The following RABGAP1L variants were observed in gnomAD, a reference collection of about 807,000 sequenced individuals.
The protein encoded by RABGAP1L is rab GTPase-activating protein 1-like.
In RABGAP1L, 63 loss-of-function variants were observed where a neutral mutation model predicts 137.7. The ratio of observed to expected loss-of-function variants is 0.46; its 90% CI spans 0.37 to 0.56. The LOEUF (loss-of-function observed/expected upper bound fraction) is 0.56, where lower values mean the gene tolerates loss of function less well. RABGAP1L is among the 20% of genes least tolerant of loss of function. The pLI, the probability that RABGAP1L is intolerant of heterozygous loss-of-function variation, is 0.00. For synonymous variants in RABGAP1L, 431 were observed against 433.7 expected (o/e 0.99, Z 0.08); for missense variants, 1,095 against 1,244.0 (o/e 0.88, Z 1.80).
At chr1:174,657,422 A>G (rs1179780644) in intron 14 of RABGAP1L, among the ~76,000 whole-genome samples, 2 of 152,136 alleles carry the variant, frequency 1.3e-5, no homozygotes, top group Non-Finnish European at 2.9e-5. Flanking sequence ...CCAAGCTTCT[A>G]GTATCCTCTA....
At chr1:174,507,107 C>T (rs1025936379) in intron 13 of RABGAP1L, among the ~76,000 whole-genome samples, 1 of 152,004 alleles carries the variant, frequency 6.6e-6, no homozygotes, top group Non-Finnish European at 1.5e-5. Context: ...ATTTAAGGAA[C>T]AATGTTTGAA....
intron 5 of RABGAP1L, among the ~76,000 whole-genome samples, chr1:174,242,618 A>G (rs1005145751): frequency 6.6e-6 from 1 of 152,226 alleles, no homozygotes; most frequent in African/African-American, 2.4e-5. Flanking sequence ...CATGATGGCT[A>G]TGTCAGTTCT....
intron 10 of RABGAP1L, 106 bp from the exon 11 acceptor site, chr1:174,304,880 C>T (rs1571998337): frequency 9.6e-7 from 1 of 1,040,168 alleles, no homozygotes; most frequent in South Asian, 1.8e-5. Flanking sequence ...TCAAACACAA[C>T]ACGCCATTCT....
Position 174,324,748 on chromosome 1 carries a change from G to T in RABGAP1L, c.1465+19621G>T, listed in dbSNP as rs191475776. On this transcript the variant is annotated intron_variant, in intron 11 of 25. Transcript: ENST00000681986. ...CTGCAGAAAAATGATGACAATATGA[G>T]AGCCAAGACAGGGATAGAATAAGGG... Among the ~76,000 whole-genome samples, 423 of 152,268 alleles carry T rather than the reference G, an allele frequency of 2.8e-3. 4 individuals carry two copies. The highest frequency in any genetic ancestry group is 9.6e-3 in the African/African-American group (400 of 41,560).
intron 12 of RABGAP1L, among the ~76,000 whole-genome samples, chr1:174,371,542 T>C (rs895297124): frequency 6.6e-6 from 1 of 152,154 alleles, no homozygotes; most frequent in Non-Finnish European, 1.5e-5. Context: ...AAAGTATTAC[T>C]TTAAATTTTG....
intron 19 of RABGAP1L, among the ~76,000 whole-genome samples, chr1:174,939,812 A>G (rs974008157): frequency 6.6e-6 from 1 of 152,232 alleles, no homozygotes. Context: ...GCTCTGTGTC[A>G]TCACATATTT....
chr1:174,838,711 C>T (rs1207276817), intron 19 of RABGAP1L, among the ~76,000 whole-genome samples: 5 of 151,598 alleles, frequency 3.3e-5, no homozygotes, highest in African/African-American at 4.8e-5. Context: ...GGGCGGATCA[C>T]GAGGTCAGGG....
chr1:174,895,047 G>A (rs1258293934), intron 19 of RABGAP1L, among the ~76,000 whole-genome samples: 3 of 152,136 alleles, frequency 2.0e-5, no homozygotes, highest in African/African-American at 4.8e-5. Context: ...GTGAGCCACC[G>A]TGCCTGGCCC....
intron 13 of RABGAP1L, among the ~76,000 whole-genome samples, chr1:174,565,379 G>A (rs1213377134): frequency 6.6e-6 from 1 of 152,058 alleles, no homozygotes; most frequent in Non-Finnish European, 1.5e-5. Context: ...TCCTAATAGA[G>A]GGGTTTTGCT....
intron 8 of RABGAP1L, chr1:174,275,288 T>C (rs1674894111): frequency 6.6e-6 from 1 of 152,194 alleles, no homozygotes; most frequent in African/African-American, 2.4e-5. Context: ...TAAGAAAGTA[T>C]ATAAATATCT....
chr1:174,763,159 G>C (rs1352136623), intron 18 of RABGAP1L, among the ~76,000 whole-genome samples: 1 of 151,910 alleles, frequency 6.6e-6, no homozygotes, highest in African/African-American at 2.4e-5. Flanking sequence ...CTTGTCCCCA[G>C]TATTTAGCTT....
intron 13 of RABGAP1L, among the ~76,000 whole-genome samples, chr1:174,546,780 C>T (rs2147963012): frequency 6.6e-6 from 1 of 152,186 alleles, no homozygotes; most frequent in African/African-American, 2.4e-5. Flanking sequence ...CCTGTAATCC[C>T]AGCACTTTGG....
chr1:174,741,251 T>G (rs1300209514), intron 17 of RABGAP1L, among the ~76,000 whole-genome samples: 3 of 152,194 alleles, frequency 2.0e-5, no homozygotes, highest in Non-Finnish European at 2.9e-5. Context: ...TTGAGTTCAT[T>G]TTTGTATATG....
Position 174,409,179 on chromosome 1 carries a change from G to A in RABGAP1L, c.1710+15034G>A, listed in dbSNP as rs571291153. ...GAACGGAGGGACCAGCTGGAGCTGC[G>A]GCAGAAGAACATAAATTGTGGAGAT... On this transcript the variant is annotated intron_variant, in intron 13 of 25. Coordinates refer to ENST00000681986, the MANE Select transcript of RABGAP1L (RefSeq NM_001366446.1). Among the ~76,000 whole-genome samples, 109 of 152,212 alleles carry A rather than the reference G, an allele frequency of 7.2e-4. 1 individual carries two copies. The highest frequency in any genetic ancestry group is 2.5e-3 in the African/African-American group (105 of 41,534).
At position 174,681,581 on chromosome 1, in the gene RABGAP1L, G is replaced by A. The variant is rs529026354; in HGVS notation, c.1825-1941G>A. Among the ~76,000 whole-genome samples the A allele has an allele frequency of 3.9e-5, 6 of 152,282 alleles. No individual in the cohort carries two copies. The East Asian group carries it at 1.2e-3, about 29-fold the overall frequency. On this transcript the variant is annotated intron_variant, in intron 14 of 25. Coordinates refer to ENST00000681986, the MANE Select transcript of RABGAP1L (RefSeq NM_001366446.1). ...AGTGGAGGTGTTTGACCAAAGAGAG[G>A]CATGGGGGAACATTCTGGAGTGATG...
At chr1:174,395,176 A>C (rs183731590) in intron 13 of RABGAP1L, among the ~76,000 whole-genome samples, 154 of 152,186 alleles carry the variant, frequency 1.0e-3, no homozygotes, top group African/African-American at 3.4e-3. Context: ...ATGGTTCAGG[A>C]GTGACCTTAG....
At chr1:174,682,880 T>C (rs1434232658) in intron 14 of RABGAP1L, among the ~76,000 whole-genome samples, 1 of 152,174 alleles carries the variant, frequency 6.6e-6, no homozygotes, top group Non-Finnish European at 1.5e-5. Context: ...ACTTGAAATA[T>C]CAGTTATGTA....
intron 18 of RABGAP1L, among the ~76,000 whole-genome samples, chr1:174,790,277 A>G (rs1447993165): frequency 6.6e-6 from 1 of 152,178 alleles, no homozygotes; most frequent in East Asian, 1.9e-4. Context: ...AAATGTCATA[A>G]AAGAAATAAT....
chr1:174,698,696 C>G (rs960948516), intron 15 of RABGAP1L, among the ~76,000 whole-genome samples: 16 of 150,460 alleles, frequency 1.1e-4, no homozygotes, highest in Non-Finnish European at 1.8e-4. Flanking sequence ...AGAGACAACT[C>G]TTTATATACT....
Sources: allele counts gnomAD v4.1 joint callset (sites outside exome capture counted in the v4.1 genomes callset), GRCh38; gene constraint gnomAD v4.1.1; transcripts MANE v1.5; gene names NCBI Gene and HGNC (gene_info 2026-07-23, HGNC 2026-07-21).